MARCKS: variants seen among roughly 807,000 people sequenced by gnomAD.
MARCKS encodes the protein myristoylated alanine rich protein kinase C substrate.
Under a neutral mutation model 6.3 loss-of-function variants are expected in MARCKS, and 4 were observed. That is an observed-to-expected ratio of 0.63 (90% CI 0.31 to 1.45). The LOEUF (loss-of-function observed/expected upper bound fraction) is 1.45. Among genes scored for constraint, MARCKS ranks in the 40% most tolerant of loss-of-function variants. The pLI is 0.07. For missense variants in MARCKS, 636 were observed against 485.7 expected (o/e 1.31, Z -2.91); for synonymous variants, 289 against 236.5 (o/e 1.22, Z -2.04).
chr6:113,860,205 G>A lies in MARCKS; in HGVS notation c.625G>A (p.Ala209Thr), dbSNP rs1285951935. The part of the protein sequence containing the change: ...GAAAAAAEAG[A>T]ASGEQAAAPG... The stretch of plus-strand genomic sequence containing the variant: ...AGCTGCGGCCGCCGCCGAGGCGGGC[G>A]CGGCCTCCGGGGAGCAGGCAGCGGC... The change falls in exon 2 of 2, where the codon GCG becomes ACG. Residue 209 changes from alanine to threonine, a missense_variant. By Grantham distance (58) the Ala-to-Thr change is moderately conservative. Coordinates refer to ENST00000612661, the MANE Select transcript of MARCKS (RefSeq NM_002356.7). The A allele has an allele frequency of 1.8e-6, 2 of 1,117,456 alleles. No homozygotes were observed. The highest frequency in any genetic ancestry group is 1.7e-5 in the African/African-American group (1 of 59,452). The allele number at this position is 1,117,456 out of a possible 1,614,324, so 69.2% of individuals were successfully genotyped here.
Position 113,860,501 on chromosome 6 carries a change from G to C in MARCKS, c.921G>C (p.Ser307=). 2.0e-6 allele frequency: 3 copies of C among 1,525,152 alleles called. No individual in the cohort carries two copies. The highest frequency in any genetic ancestry group is 2.6e-6 in the Non-Finnish European group (3 of 1,137,272). The allele number at this position is 1,525,152 out of a possible 1,614,324, so 94.5% of individuals were successfully genotyped here. Reference sequence around the variant, plus strand: ...AGGAGCCCGCGGCCGCCGCAGCCTCGTCAGCCTGCGCAGCCCCCTCACAGG... The same window carrying C: ...AGGAGCCCGCGGCCGCCGCAGCCTCCTCAGCCTGCGCAGCCCCCTCACAGG... The part of the protein sequence containing the change: ...PAEEPAAAAA[S]SACAAPSQEA... The change falls in exon 2 of 2, where the codon TCG becomes TCC. Residue 307 remains serine (S), a synonymous_variant. Coordinates refer to ENST00000612661, the MANE Select transcript of MARCKS (RefSeq NM_002356.7).
chr6:113,860,542 G>A lies in MARCKS; in HGVS notation c.962G>A (p.Cys321Tyr). The A allele has an allele frequency of 4.5e-6, 7 of 1,561,968 alleles. No homozygotes were observed. Among genetic ancestry groups the A allele is most frequent in the Non-Finnish European group, 5.2e-6 (6 of 1,158,246 alleles). ...AAPSQEAQPE[C>Y]SPEAPPAEAA... ...CCCTCACAGGAGGCCCAGCCCGAGT[G>A]CAGTCCAGAAGCCCCCCCAGCGGAG... The change falls in exon 2 of 2, where the codon TGC becomes TAC. Residue 321 changes from cysteine to tyrosine, a missense_variant. Cys to Tyr is a radical substitution (Grantham distance 194). Transcript: ENST00000612661.
In MARCKS at chr6:113,859,920, G is replaced by A. The variant is rs1157061571; in HGVS notation, c.340G>A (p.Ala114Thr). ...EKEAPAEGEAAEPGSPTAAEG... is the reference protein window; with the variant it reads ...EKEAPAEGEATEPGSPTAAEG... The stretch of plus-strand genomic sequence containing the variant: ...GGAGGCCCCCGCGGAAGGCGAGGCT[G>A]CCGAGCCCGGCTCGCCCACGGCCGC... Residue 114 changes from alanine (A) to threonine (T), a missense_variant, in exon 2 of 2, where the codon GCC (alanine) becomes ACC (threonine). Transcript: ENST00000612661. 4 of 1,463,682 alleles carry A rather than the reference G, an allele frequency of 2.7e-6. No homozygotes were observed. Among genetic ancestry groups the A allele is most frequent in the South Asian group, 1.3e-5 (1 of 78,746 alleles). 90.7% of individuals were successfully genotyped at this position (1,463,682 alleles called of 1,614,324 possible).
In MARCKS at chr6:113,859,811, C is replaced by A; in HGVS notation, c.231C>A (p.Ser77Arg). ...AGGAGGAGCCCGCGGCCGCCGGGAGCGGGGCGGCGTCGCCCTCCGCGGCCG... is the reference window on the plus strand; with the variant it reads ...AGGAGGAGCCCGCGGCCGCCGGGAGAGGGGCGGCGTCGCCCTCCGCGGCCG... The part of the protein sequence containing the change: ...ADKEEPAAAG[S>R]GAASPSAAEK... The change falls in exon 2 of 2, where the codon AGC (serine) becomes AGA (arginine). Residue 77 changes from serine (S) to arginine (R), a missense_variant. Ser to Arg is a moderately radical substitution (Grantham distance 110, BLOSUM62 -1). Coordinates refer to ENST00000612661, the MANE Select transcript of MARCKS (RefSeq NM_002356.7). 1.5e-6 allele frequency: 2 copies of A among 1,347,612 alleles called. No homozygotes were observed. Among genetic ancestry groups the A allele is most frequent in the Non-Finnish European group, 1.9e-6 (2 of 1,053,252 alleles). The allele number at this position is 1,347,612 out of a possible 1,614,324, so 83.5% of individuals were successfully genotyped here. A position where few individuals can be genotyped will look rare whatever the true frequency, so the allele number is the denominator to read the frequency against.
In MARCKS at chr6:113,860,296, C is replaced by A. The variant is rs1178244270; in HGVS notation, c.716C>A (p.Pro239His). ...AAGGDPQEAK[P>H]QEAAVAPEKP... ...GGTGGCGACCCGCAGGAGGCCAAGC[C>A]CCAGGAGGCCGCTGTCGCGCCAGAG... Residue 239 changes from proline (P) to histidine (H), a missense_variant, in exon 2 of 2, where the codon CCC becomes CAC. By Grantham distance (77) the Pro-to-His change is moderately conservative. Transcript: ENST00000612661. 1 of 1,277,078 alleles carries A rather than the reference C, an allele frequency of 7.8e-7. No individual in the cohort carries two copies. Among genetic ancestry groups the A allele is most frequent in the Non-Finnish European group, 1.0e-6 (1 of 986,192 alleles). 79.1% of individuals were successfully genotyped at this position (1,277,078 alleles called of 1,614,324 possible). A position where few individuals can be genotyped will look rare whatever the true frequency, so the allele number is the denominator to read the frequency against.
At position 113,859,907 on chromosome 6, in the gene MARCKS, G is replaced by A; in HGVS notation, c.327G>A (p.Ala109=). ...GASPVEKEAP[A]EGEAAEPGSP... ...GCCCGGTAGAGAAGGAGGCCCCCGC[G>A]GAAGGCGAGGCTGCCGAGCCCGGCT... The change falls in exon 2 of 2, where the codon GCG becomes GCA. Residue 109 remains alanine, a synonymous_variant. Coordinates refer to ENST00000612661, the MANE Select transcript of MARCKS (RefSeq NM_002356.7). 1 of 1,449,900 alleles carries A rather than the reference G, an allele frequency of 6.9e-7. No individual in the cohort carries two copies. The highest frequency in any genetic ancestry group is 9.1e-7 in the Non-Finnish European group (1 of 1,104,756). 89.8% of individuals were successfully genotyped at this position (1,449,900 alleles called of 1,614,324 possible). A position where few individuals can be genotyped will look rare whatever the true frequency, so the allele number is the denominator to read the frequency against.
chr6:113,859,656 G>A (rs1245967825), intron 1 of MARCKS, 27 bp from the exon 2 acceptor site: 4 of 1,468,280 alleles, frequency 2.7e-6, no homozygotes, highest in Admixed American at 2.6e-5. Flanking sequence ...CCGCTTCAGT[G>A]ACGCTCCCGC....
rs548583110 is a variant in MARCKS at position 113,860,741 on chromosome 6, T to G, written c.*162T>G. 2.7e-3 allele frequency: 796 copies of G among 292,652 alleles called. 1 individual carries two copies. Among genetic ancestry groups the G allele is most frequent in the African/African-American group, 8.4e-3 (137 of 16,256 alleles). The allele number at this position is 292,652 out of a possible 1,614,324, so 18.1% of individuals were successfully genotyped here. A position where few individuals can be genotyped will look rare whatever the true frequency, so the allele number is the denominator to read the frequency against. On this transcript the variant is annotated 3_prime_UTR_variant, in exon 2 of 2. Coordinates refer to ENST00000612661, the MANE Select transcript of MARCKS (RefSeq NM_002356.7). ...TTTTTAAGCACCAAATTTTGTTGTTTTTTTTTTTTCTCCCCTCCCCACAGA... is the reference window on the plus strand; with the variant it reads ...TTTTTAAGCACCAAATTTTGTTGTTGTTTTTTTTTCTCCCCTCCCCACAGA...
In MARCKS at chr6:113,860,402, C is replaced by A; in HGVS notation, c.822C>A (p.Ala274=). Residue 274 remains alanine, a synonymous_variant, in exon 2 of 2, where the codon GCC becomes GCA. Coordinates refer to ENST00000612661, the MANE Select transcript of MARCKS (RefSeq NM_002356.7). The stretch of plus-strand genomic sequence containing the variant: ...AGAAAAAGGCCGAGGAGGCCGGGGC[C>A]AGCGCCGCCGCCTGCGAGGCCCCCT... ...VEEKKAEEAG[A]SAAACEAPSA... is the part of the protein sequence containing the mutation. 1 of 1,211,790 alleles carries A rather than the reference C, an allele frequency of 8.3e-7. No individual in the cohort carries two copies. The highest frequency in any genetic ancestry group is 1.0e-6 in the Non-Finnish European group (1 of 953,970). The allele number at this position is 1,211,790 out of a possible 1,614,324, so 75.1% of individuals were successfully genotyped here.
At position 113,857,673 on chromosome 6, in the gene MARCKS, C is replaced by G; in HGVS notation, c.-73C>G. On this transcript the variant is annotated 5_prime_UTR_variant, in exon 1 of 2. Coordinates refer to ENST00000612661, the MANE Select transcript of MARCKS (RefSeq NM_002356.7). Reference sequence around the variant, plus strand: ...CCGCCGCTGCTGCTGCTGCTCGCCCCGTCGTTACACCAACCCGAGGCTCTT... The same window carrying G: ...CCGCCGCTGCTGCTGCTGCTCGCCCGGTCGTTACACCAACCCGAGGCTCTT... 8.8e-7 allele frequency: 1 copy of G among 1,140,530 alleles called. No individual in the cohort carries two copies. Among genetic ancestry groups the G allele is most frequent in the East Asian group, 3.3e-5 (1 of 30,618 alleles). 70.7% of individuals were successfully genotyped at this position (1,140,530 alleles called of 1,614,324 possible).
chr6:113,857,446 T>C lies in MARCKS; in HGVS notation c.-300T>C. 1 of 344,216 alleles carries C rather than the reference T, an allele frequency of 2.9e-6. No homozygotes were observed. Among genetic ancestry groups the C allele is most frequent in the Non-Finnish European group, 5.3e-6 (1 of 187,306 alleles). 21.3% of individuals were successfully genotyped at this position (344,216 alleles called of 1,614,324 possible). A position where few individuals can be genotyped will look rare whatever the true frequency, so the allele number is the denominator to read the frequency against. ...TACAAATCTGGGATTTTTTTATTAC[T>C]TCTTTTTTTTTCGAACTACACTTGG... On this transcript the variant is annotated 5_prime_UTR_variant, in exon 1 of 2. Transcript: ENST00000612661.
intron 1 of MARCKS, among the ~76,000 whole-genome samples, chr6:113,858,465 G>A (rs1774822223): frequency 6.6e-6 from 1 of 152,218 alleles, no homozygotes; most frequent in Non-Finnish European, 1.5e-5. Context: ...AGCTGTCTGT[G>A]GAATTACACA....
chr6:113,860,402 C>G lies in MARCKS; in HGVS notation c.822C>G (p.Ala274=). ...AGAAAAAGGCCGAGGAGGCCGGGGCCAGCGCCGCCGCCTGCGAGGCCCCCT... is the reference window on the plus strand; with the variant it reads ...AGAAAAAGGCCGAGGAGGCCGGGGCGAGCGCCGCCGCCTGCGAGGCCCCCT... ...VEEKKAEEAG[A]SAAACEAPSA... Residue 274 remains alanine (A), a synonymous_variant, in exon 2 of 2, where the codon GCC becomes GCG. Transcript: ENST00000612661. 3 of 1,211,790 alleles carry G rather than the reference C, an allele frequency of 2.5e-6. No individual in the cohort carries two copies. The highest frequency in any genetic ancestry group is 3.1e-6 in the Non-Finnish European group (3 of 953,970). The allele number at this position is 1,211,790 out of a possible 1,614,324, so 75.1% of individuals were successfully genotyped here. A position where few individuals can be genotyped will look rare whatever the true frequency, so the allele number is the denominator to read the frequency against.
chr6:113,858,285 A>G (rs1774819795), intron 1 of MARCKS, among the ~76,000 whole-genome samples: 1 of 149,890 alleles, frequency 6.7e-6, no homozygotes, highest in African/African-American at 2.5e-5. Context: ...GAGTCGGGAA[A>G]GGGGGGCGCA....
At position 113,857,805 on chromosome 6, in the gene MARCKS, G is replaced by A; in HGVS notation, c.60G>A (p.Gly20=). ...GAGAAGCCGCCGCGGAGAGGCCTGG[G>A]GAGGCGGCTGTGGCCTCGTCGCCTT... The part of the protein sequence containing the change: ...AKGEAAAERP[G]EAAVASSPSK... Residue 20 remains glycine (G), a synonymous_variant, in exon 1 of 2, where the codon GGG becomes GGA. Transcript: ENST00000612661. 10 of 1,608,582 alleles carry A rather than the reference G, an allele frequency of 6.2e-6. No homozygotes were observed. The highest frequency in any genetic ancestry group is 8.5e-6 in the Non-Finnish European group (10 of 1,177,832).
chr6:113,861,624 A>C lies in MARCKS; in HGVS notation c.*1045A>C, dbSNP rs1774902592. ...TAAAGGAAAAAAAATCTTCAGATGC[A>C]ATGGTTTTGTGTAGCATCTTGTCTA... On this transcript the variant is annotated 3_prime_UTR_variant, in exon 2 of 2. Transcript: ENST00000612661. 1 of 152,618 alleles carries C rather than the reference A, an allele frequency of 6.6e-6. No individual in the cohort carries two copies. Among genetic ancestry groups the C allele is most frequent in the Admixed American group, 6.5e-5 (1 of 15,282 alleles). 9.5% of individuals were successfully genotyped at this position (152,618 alleles called of 1,614,324 possible). A position where few individuals can be genotyped will look rare whatever the true frequency, so the allele number is the denominator to read the frequency against.
rs761352233 is a variant in MARCKS, at chr6:113,859,927, C to T, written c.347C>T (p.Pro116Leu). The change falls in exon 2 of 2, where the codon CCC becomes CTC. Residue 116 changes from proline to leucine, a missense_variant. By Grantham distance (98) the Pro-to-Leu change is moderately conservative. Coordinates refer to ENST00000612661, the MANE Select transcript of MARCKS (RefSeq NM_002356.7). ...CCCGCGGAAGGCGAGGCTGCCGAGC[C>T]CGGCTCGCCCACGGCCGCGGAGGGA... Reference protein sequence around the residue: ...EAPAEGEAAEPGSPTAAEGEA... With the variant: ...EAPAEGEAAELGSPTAAEGEA... 37 of 1,470,208 alleles carry T rather than the reference C, an allele frequency of 2.5e-5. No homozygotes were observed. The highest frequency in any genetic ancestry group is 3.0e-5 in the Non-Finnish European group (33 of 1,114,918). The allele number at this position is 1,470,208 out of a possible 1,614,324, so 91.1% of individuals were successfully genotyped here. A position where few individuals can be genotyped will look rare whatever the true frequency, so the allele number is the denominator to read the frequency against.
At position 113,859,635 on chromosome 6, in the gene MARCKS, C is replaced by A. The variant is rs547238463; in HGVS notation, c.103-48C>A. 7.7e-6 allele frequency: 11 copies of A among 1,421,528 alleles called. No individual in the cohort carries two copies. The South Asian group carries it at 1.4e-4, about 18-fold the overall frequency. The allele number at this position is 1,421,528 out of a possible 1,614,324, so 88.1% of individuals were successfully genotyped here. On this transcript the variant is annotated intron_variant, in intron 1 of 1. Transcript: ENST00000612661. ...GGTCCAGGGCTGGGGGCGGGAATGG[C>A]GGCGCCCCGGCCGCTTCAGTGACGC...
chr6:113,858,628 C>A lies in MARCKS; in HGVS notation c.102+781C>A, dbSNP rs149845826. Among the ~76,000 whole-genome samples the A allele has an allele frequency of 2.0e-3, 298 of 152,330 alleles. 4 individuals carry two copies. Among genetic ancestry groups the A allele is most frequent in the African/African-American group, 6.9e-3 (288 of 41,578 alleles). ...CGACCACCCGCGAGGGGCCGCCCGG[C>A]GCTGCCCGGACCCAGGCAGATAGCC... is the stretch of plus-strand genomic sequence containing the variant. On this transcript the variant is annotated intron_variant, in intron 1 of 1. Coordinates refer to ENST00000612661, the MANE Select transcript of MARCKS (RefSeq NM_002356.7).
Sources: allele counts gnomAD v4.1 joint callset (sites outside exome capture counted in the v4.1 genomes callset), GRCh38; gene constraint gnomAD v4.1.1; transcripts MANE v1.5; gene names NCBI Gene and HGNC (gene_info 2026-07-23, HGNC 2026-07-21).